Variants in GCKR observed in about 807,000 individuals in gnomAD.
The protein encoded by GCKR is glucokinase regulatory protein.
A neutral mutation model predicts 82.9 loss-of-function variants in GCKR; 73 were observed. The observed-to-expected ratio is 0.88, with a 90% CI of 0.73 to 1.07. The LOEUF is 1.07. Ranked by LOEUF, GCKR falls within the 50% of genes least tolerant of loss-of-function variation. The probability of loss-of-function intolerance (pLI) is 0.00; values close to 1 mark genes in which losing one functional copy is unlikely to be tolerated. For synonymous variants in GCKR, 294 were observed against 291.8 expected (o/e 1.01, Z -0.08); for missense variants, 784 against 782.1 (o/e 1.00, Z -0.03).
Position 27,505,707 on chromosome 2 carries a change from C to T in GCKR, c.751-11C>T. ...TCTCCCAATTCCTCTTGGGTGTCTTCACCTCTTCAGCCCGAGGGTCTCAGC... is the reference window on the plus strand; with the variant it reads ...TCTCCCAATTCCTCTTGGGTGTCTTTACCTCTTCAGCCCGAGGGTCTCAGC... On this transcript the variant is annotated splice_polypyrimidine_tract_variant and intron_variant, in intron 9 of 18. Coordinates refer to ENST00000264717, the MANE Select transcript of GCKR (RefSeq NM_001486.4). The T allele has an allele frequency of 6.7e-7, 1 of 1,499,292 alleles. No individual in the cohort carries two copies. The highest frequency in any genetic ancestry group is 1.1e-5 in the South Asian group (1 of 88,778). 92.9% of individuals were successfully genotyped at this position (1,499,292 alleles called of 1,614,324 possible).
Position 27,523,593 on chromosome 2 carries a change from T to TG in GCKR, c.*159dup. ...GTAGGGAGAAATATTCTCTCCACTTTGGGGGAGAGTTCTTGCTCTCGACCT... is the reference window on the plus strand; with the variant it reads ...GTAGGGAGAAATATTCTCTCCACTTTGGGGGGAGAGTTCTTGCTCTCGACCT... On this transcript the variant is annotated 3_prime_UTR_variant, in exon 19 of 19. Transcript: ENST00000264717. 1.4e-6 allele frequency: 1 copy of TG among 714,408 alleles called. No homozygotes were observed. The allele number at this position is 714,408 out of a possible 1,614,324, so 44.3% of individuals were successfully genotyped here.
intron 17 of GCKR, among the ~76,000 whole-genome samples, chr2:27,520,112 TC>T (rs1558443334): frequency 1.3e-5 from 2 of 152,222 alleles, no homozygotes; most frequent in Admixed American, 6.6e-5. Context: ...TTGATTTTTT[TC>T]ATTATATATT....
intron 16 of GCKR, among the ~76,000 whole-genome samples, chr2:27,515,858 G>A (rs956935894): frequency 3.2e-4 from 48 of 149,592 alleles, no homozygotes; most frequent in African/African-American, 8.8e-4. Context: ...CAAACTCCTG[G>A]GCTGAAGCAA....
At chr2:27,506,688 T>A (rs1301877195) in intron 11 of GCKR, 100 bp from the exon 12 acceptor site, 5 of 1,091,026 alleles carry the variant, frequency 4.6e-6, no homozygotes, top group African/African-American at 3.1e-5. Flanking sequence ...GGATTGCATG[T>A]TGAAGGGTCA....
At chr2:27,518,058 T>C (rs992674141) in intron 16 of GCKR, among the ~76,000 whole-genome samples, 4 of 152,170 alleles carry the variant, frequency 2.6e-5, no homozygotes, top group African/African-American at 9.7e-5. Context: ...CATTTTTTTT[T>C]CCCCTGAGAC....
intron 8 of GCKR, 38 bp from the exon 9 acceptor site, chr2:27,503,476 T>A: frequency 1.8e-6 from 2 of 1,100,440 alleles, no homozygotes; most frequent in Non-Finnish European, 2.8e-6. Flanking sequence ...GAGATCCTCA[T>A]AGACAATCTC....
intron 3 of GCKR, 75 bp downstream of exon 3, chr2:27,497,705 A>C: frequency 4.5e-6 from 4 of 887,456 alleles, no homozygotes; most frequent in Non-Finnish European, 5.7e-6. Flanking sequence ...TCTATTTCTC[A>C]CTTTGATAGA....
chr2:27,510,489 C>T (rs373330272), intron 16 of GCKR, among the ~76,000 whole-genome samples: 60 of 152,250 alleles, frequency 3.9e-4, no homozygotes, highest in African/African-American at 1.4e-3. Context: ...GGATAAACCC[C>T]AAAAGCGAAA....
At position 27,508,056 on chromosome 2, in the gene GCKR, C is replaced by T. The variant is rs140472515; in HGVS notation, c.1320C>T (p.Thr440=). ...ACATCCAGGCCCTGGCACACAGCAC[C>T]GTGGGTCAGACCTTGCTGGTGAGAG... is the stretch of plus-strand genomic sequence containing the variant. ...TNHIQALAHS[T]VGQTLLIPLK... The change falls in exon 15 of 19, where the codon ACC becomes ACT. Residue 440 remains threonine (T), a synonymous_variant. Transcript: ENST00000264717. The T allele has an allele frequency of 1.5e-5, 25 of 1,613,136 alleles. No individual in the cohort carries two copies. Among genetic ancestry groups the T allele is most frequent in the Admixed American group, 6.7e-5 (4 of 59,996 alleles).
intron 18 of GCKR, among the ~76,000 whole-genome samples, chr2:27,522,913 T>A (rs1393242802): frequency 7.4e-6 from 1 of 135,386 alleles, no homozygotes; most frequent in Non-Finnish European, 1.6e-5. Context: ...TTTTTTTTTT[T>A]GAGAGAGAGT....
chr2:27,497,422 A>G, intron 2 of GCKR, 23 bp downstream of exon 2: 1 of 1,613,646 alleles, frequency 6.2e-7, no homozygotes. Flanking sequence ...CAAGACCTGG[A>G]CCCTGGAAAT....
chr2:27,501,593 G>A lies in GCKR; in HGVS notation c.644+364G>A, dbSNP rs140849884. The A allele has an allele frequency of 2.8e-5, 11 of 398,992 alleles. No homozygotes were observed. The East Asian group carries it at 6.9e-4, about 25-fold the overall frequency. 24.7% of individuals were successfully genotyped at this position (398,992 alleles called of 1,614,324 possible). On this transcript the variant is annotated intron_variant, in intron 8 of 18. Coordinates refer to ENST00000264717, the MANE Select transcript of GCKR (RefSeq NM_001486.4). The stretch of plus-strand genomic sequence containing the variant: ...GCTTTCATATGGGGGTGAGCCCCAA[G>A]CACCTTTTCAAAGTAGTAGTAGTGG...
At chr2:27,501,402 T>C (rs181136750) in intron 8 of GCKR, among the ~76,000 whole-genome samples, 173 bp downstream of exon 8, 8 of 152,366 alleles carry the variant, frequency 5.3e-5, no homozygotes, top group Admixed American at 2.6e-4. Context: ...TGTTGGTTGG[T>C]TGAATTATTC....
At chr2:27,511,236 C>T (rs554876349) in intron 16 of GCKR, among the ~76,000 whole-genome samples, 9 of 151,690 alleles carry the variant, frequency 5.9e-5, no homozygotes, top group Admixed American at 3.9e-4. Flanking sequence ...CCATGTTGGC[C>T]GGGCTGGTCT....
At position 27,523,275 on chromosome 2, in the gene GCKR, C is replaced by T; in HGVS notation, c.1714C>T (p.Pro572Ser). 6.2e-7 allele frequency: 1 copy of T among 1,611,588 alleles called. No homozygotes were observed. Among genetic ancestry groups the T allele is most frequent in the African/African-American group, 1.3e-5 (1 of 75,018 alleles). Residue 572 changes from proline to serine, a missense_variant, in exon 19 of 19, where the codon CCC becomes TCC. Coordinates refer to ENST00000264717, the MANE Select transcript of GCKR (RefSeq NM_001486.4). ...QVAHEKEQVIPIALLSLLFRC... is the reference protein window; with the variant it reads ...QVAHEKEQVISIALLSLLFRC... ...CACTGCCTCTTCCCCACAGGTGATA[C>T]CCATCGCCTTGCTGAGCCTCCTATT... is the stretch of plus-strand genomic sequence containing the variant.
At position 27,498,720 on chromosome 2, in the gene GCKR, A is replaced by G; in HGVS notation, c.355-4A>G. 1 of 1,575,236 alleles carries G rather than the reference A, an allele frequency of 6.3e-7. No homozygotes were observed. Among genetic ancestry groups the G allele is most frequent in the Non-Finnish European group, 8.7e-7 (1 of 1,144,550 alleles). Reference sequence around the variant, plus strand: ...CCTCTTTACATCCTCTCCCTGCTTGACAGGTGTCCTTTAATCAGCTGATGA... The same window carrying G: ...CCTCTTTACATCCTCTCCCTGCTTGGCAGGTGTCCTTTAATCAGCTGATGA... On this transcript the variant is annotated splice_region_variant and splice_polypyrimidine_tract_variant and intron_variant, in intron 4 of 18. Transcript: ENST00000264717.
At position 27,506,585 on chromosome 2, in the gene GCKR, T is replaced by G. The variant is rs1669751886; in HGVS notation, c.968+6T>G. On this transcript the variant is annotated splice_donor_region_variant and intron_variant, in intron 11 of 18. Coordinates refer to ENST00000264717, the MANE Select transcript of GCKR (RefSeq NM_001486.4). Reference sequence around the variant, plus strand: ...ATGAAGAGTGTCAGCACCAGGTGTGTGGATATGTGTTTAGAGGTGAGGATG... The same window carrying G: ...ATGAAGAGTGTCAGCACCAGGTGTGGGGATATGTGTTTAGAGGTGAGGATG... 7 of 1,588,958 alleles carry G rather than the reference T, an allele frequency of 4.4e-6. No homozygotes were observed. Among genetic ancestry groups the G allele is most frequent in the Non-Finnish European group, 5.2e-6 (6 of 1,157,006 alleles).
In GCKR at chr2:27,502,010, C is replaced by T. The variant is rs182351216; in HGVS notation, c.644+781C>T. Among the ~76,000 whole-genome samples the T allele has an allele frequency of 2.0e-5, 3 of 152,318 alleles. No homozygotes were observed. The East Asian group carries it at 5.8e-4, about 29-fold the overall frequency. ...GATGCACAGCCAGGTTTGGGGAACT[C>T]TGCTAAATAAACCATTGGAGTGGGC... On this transcript the variant is annotated intron_variant, in intron 8 of 18. Coordinates refer to ENST00000264717, the MANE Select transcript of GCKR (RefSeq NM_001486.4).
In GCKR at chr2:27,522,486, A is replaced by C. The variant is rs1160286678; in HGVS notation, c.1599A>C (p.Arg533=). Residue 533 remains arginine (R), a synonymous_variant, in exon 18 of 19, where the codon CGA becomes CGC. Coordinates refer to ENST00000264717, the MANE Select transcript of GCKR (RefSeq NM_001486.4). ...LQRFSGQSKA[R]CIESLLRAIH... ...GGTTCTCTGGACAGTCCAAGGCTCG[A>C]TGCATCGAGAGCCTCCTCCGAGCGA... 1 of 1,613,710 alleles carries C rather than the reference A, an allele frequency of 6.2e-7. No homozygotes were observed. The highest frequency in any genetic ancestry group is 2.2e-5 in the East Asian group (1 of 44,868).
Sources: gnomAD v4.1 joint callset for allele counts (sites outside exome capture counted in the v4.1 genomes callset) on GRCh38, gnomAD v4.1.1 for gene constraint, MANE v1.5 for transcripts, NCBI Gene and HGNC (gene_info 2026-07-23, HGNC 2026-07-21) for gene names.